Variants in GDAP2 observed in about 807,000 individuals in gnomAD.
GDAP2 encodes the protein ganglioside induced differentiation associated protein 2.
In GDAP2, 51 loss-of-function variants were observed where a neutral mutation model predicts 67.0. The ratio of observed to expected loss-of-function variants is 0.76; its 90% CI spans 0.61 to 0.96. The LOEUF is 0.96. GDAP2 is among the 40% of genes least tolerant of loss of function. The pLI is 0.00. For synonymous variants in GDAP2, 203 were observed against 207.3 expected (o/e 0.98, Z 0.18); for missense variants, 547 against 588.3 (o/e 0.93, Z 0.73).
In GDAP2 at chr1:117,923,059, T is replaced by C. The variant is rs1473538558; in HGVS notation, c.-67-2635A>G. On this transcript the variant is annotated intron_variant, in intron 1 of 13. Transcript: ENST00000369443. ...TGATACTTCTCTTATCCGTTTTTGGTAATAAGAGAAATATGGCTCTGTCCT... is the reference window on the plus strand; with the variant it reads ...TGATACTTCTCTTATCCGTTTTTGGCAATAAGAGAAATATGGCTCTGTCCT... 3.9e-5 allele frequency among the ~76,000 whole-genome samples: 6 copies of C among 152,178 alleles called. No homozygotes were observed. In the East Asian group the frequency reaches 1.2e-3, roughly 29 times the overall value.
intron 1 of GDAP2, among the ~76,000 whole-genome samples, chr1:117,928,379 C>G (rs1422371068): frequency 6.6e-6 from 1 of 152,164 alleles, no homozygotes; most frequent in Non-Finnish European, 1.5e-5. Context: ...AAGATAGAAT[C>G]TAAACTATGT....
At chr1:117,904,716 G>A (rs1224645510) in intron 6 of GDAP2, among the ~76,000 whole-genome samples, 1 of 152,138 alleles carries the variant, frequency 6.6e-6, no homozygotes. Flanking sequence ...TTACCTGGCT[G>A]TCTCAGCATT....
intron 12 of GDAP2, among the ~76,000 whole-genome samples, chr1:117,880,855 C>A (rs1255217950): frequency 6.6e-6 from 1 of 152,176 alleles, no homozygotes; most frequent in Non-Finnish European, 1.5e-5. Flanking sequence ...AGCAAGTGCT[C>A]AGAAAACTTA....
intron 13 of GDAP2, 55 bp from the exon 14 acceptor site, chr1:117,870,671 A>G: frequency 8.5e-7 from 1 of 1,177,950 alleles, no homozygotes; most frequent in Non-Finnish European, 1.3e-6. Context: ...ATTTAACTGG[A>G]AATGTGAAAA....
At chr1:117,905,797 A>G (rs866385094) in intron 6 of GDAP2, among the ~76,000 whole-genome samples, 10 of 152,304 alleles carry the variant, frequency 6.6e-5, no homozygotes, top group African/African-American at 2.4e-4. Flanking sequence ...TCAAAAGTAC[A>G]TATATATGTT....
chr1:117,923,733 T>C (rs1269391011), intron 1 of GDAP2, among the ~76,000 whole-genome samples: 6 of 152,238 alleles, frequency 3.9e-5, no homozygotes, highest in Non-Finnish European at 8.8e-5. Context: ...CCATGTGATC[T>C]GTCATGATCT....
rs1294415804 is a variant in GDAP2 at position 117,868,806 on chromosome 1, T to C, written c.*1763A>G. 6.6e-6 allele frequency: 1 copy of C among 152,142 alleles called. No individual in the cohort carries two copies. The highest frequency in any genetic ancestry group is 6.5e-5 in the Admixed American group (1 of 15,278). The allele number at this position is 152,142 out of a possible 1,614,324, so 9.4% of individuals were successfully genotyped here. On this transcript the variant is annotated 3_prime_UTR_variant, in exon 14 of 14. Transcript: ENST00000369443. ...TCCGACATCTGACTGGCTGCCTGGA[T>C]GTGATGACCTAGGGGACATAAGAGA...
chr1:117,893,209 A>C (rs1649151664), intron 8 of GDAP2, among the ~76,000 whole-genome samples: 1 of 152,182 alleles, frequency 6.6e-6, no homozygotes, highest in South Asian at 2.1e-4. Flanking sequence ...ATACTAATAA[A>C]AAAGGAAAGG....
In GDAP2 at chr1:117,881,900, A is replaced by G. The variant is rs935734483; in HGVS notation, c.1248-23T>C. The G allele has an allele frequency of 6.4e-6, 9 of 1,404,020 alleles. No homozygotes were observed. The South Asian group carries it at 1.0e-4, about 16-fold the overall frequency. 87.0% of individuals were successfully genotyped at this position (1,404,020 alleles called of 1,614,324 possible). On this transcript the variant is annotated intron_variant, in intron 11 of 13. Transcript: ENST00000369443. ...TACCTGATCCAAAAATAAAATGACA[A>G]AAAAAATCAGTATAAGTTCATGCCT...
At chr1:117,912,791 G>C in intron 3 of GDAP2, 108 bp from the exon 4 acceptor site, 1 of 941,754 alleles carries the variant, frequency 1.1e-6, no homozygotes, top group Non-Finnish European at 1.6e-6. Context: ...AGAAATTTCA[G>C]TTAAAAATAC....
In GDAP2 at chr1:117,899,102, G is replaced by C; in HGVS notation, c.751C>G (p.Pro251Ala). 6.2e-7 allele frequency: 1 copy of C among 1,613,106 alleles called. No homozygotes were observed. The highest frequency in any genetic ancestry group is 1.1e-5 in the South Asian group (1 of 91,052). Reference sequence around the variant, plus strand: ...TCACTTATTCTAATCTGTCGTTCAGGTACCACAGGCTCCCCTTCTGCATTT... The same window carrying C: ...TCACTTATTCTAATCTGTCGTTCAGCTACCACAGGCTCCCCTTCTGCATTT... ...IGNAEGEPVV[P>A]ERQIRISEKP... Residue 251 changes from proline (P) to alanine (A), a missense_variant, in exon 7 of 14, where the codon CCT (proline) becomes GCT (alanine). Physicochemically the swap from Pro to Ala is conservative, Grantham distance 27 (BLOSUM62 -1). Transcript: ENST00000369443.
Position 117,877,291 on chromosome 1 carries a change from A to T in GDAP2, c.1446+718T>A, listed in dbSNP as rs886974085. 6.3e-6 allele frequency: 6 copies of T among 958,232 alleles called. No individual in the cohort carries two copies. The African/African-American group carries it at 1.1e-4, about 17-fold the overall frequency. The allele number at this position is 958,232 out of a possible 1,614,324, so 59.4% of individuals were successfully genotyped here. Reference sequence around the variant, plus strand: ...AATTAGGGAAGAATAATTCATTTCAAACTTAATATAACTTTCAAATCTATC... The same window carrying T: ...AATTAGGGAAGAATAATTCATTTCATACTTAATATAACTTTCAAATCTATC... On this transcript the variant is annotated intron_variant, in intron 13 of 13. Transcript: ENST00000369443.
chr1:117,926,933 T>C (rs1357973965), intron 1 of GDAP2, among the ~76,000 whole-genome samples: 1 of 152,116 alleles, frequency 6.6e-6, no homozygotes, highest in Non-Finnish European at 1.5e-5. Flanking sequence ...AGAGCAAGAC[T>C]GTCCACTGAA....
intron 13 of GDAP2, among the ~76,000 whole-genome samples, chr1:117,875,589 T>C (rs1648430108): frequency 6.6e-6 from 1 of 152,186 alleles, no homozygotes; most frequent in Non-Finnish European, 1.5e-5. Flanking sequence ...TGGAAAAACC[T>C]CTAGCATTCA....
intron 12 of GDAP2, among the ~76,000 whole-genome samples, chr1:117,881,418 G>A (rs1648642709): frequency 6.6e-6 from 1 of 152,146 alleles, no homozygotes; most frequent in African/African-American, 2.4e-5. Flanking sequence ...TAAGACTACA[G>A]AATCTTAAGG....
rs150316141 is a variant in GDAP2, at chr1:117,924,706, T to C, written c.-67-4282A>G. ...TAGGTTAAACAATGATAAATTTGTA[T>C]GAGAAGACTATTCTTATTTGACACT... On this transcript the variant is annotated intron_variant, in intron 1 of 13. Coordinates refer to ENST00000369443, the MANE Select transcript of GDAP2 (RefSeq NM_017686.4). Among the ~76,000 whole-genome samples, 1,518 of 152,360 alleles carry C rather than the reference T, an allele frequency of 1.0e-2. 21 individuals are homozygous for C. Among genetic ancestry groups the C allele is most frequent in the African/African-American group, 0.035 (1,461 of 41,572 alleles).
chr1:117,890,940 T>C (rs1649058490), intron 8 of GDAP2, among the ~76,000 whole-genome samples: 1 of 151,788 alleles, frequency 6.6e-6, no homozygotes. Flanking sequence ...TCTGAAATGC[T>C]CCAAAATCCA....
intron 6 of GDAP2, among the ~76,000 whole-genome samples, chr1:117,903,819 C>T (rs1649565035): frequency 6.6e-6 from 1 of 151,958 alleles, no homozygotes; most frequent in Admixed American, 6.6e-5. Flanking sequence ...ATGAAGAAAA[C>T]ATTTTGGAAT....
chr1:117,871,713 T>C (rs887074414), intron 13 of GDAP2, among the ~76,000 whole-genome samples: 2 of 152,010 alleles, frequency 1.3e-5, no homozygotes, highest in Admixed American at 6.6e-5. Flanking sequence ...CTAGGAAAAC[T>C]TACATTCCAA....
Sources: gnomAD v4.1 joint callset for allele counts (sites outside exome capture counted in the v4.1 genomes callset) on GRCh38, gnomAD v4.1.1 for gene constraint, MANE v1.5 for transcripts, NCBI Gene and HGNC (gene_info 2026-07-23, HGNC 2026-07-21) for gene names.